The following MEGF11 variants were observed in gnomAD, a reference collection of about 807,000 sequenced individuals.
MEGF11 encodes multiple epidermal growth factor-like domains protein 11.
Under a neutral mutation model 146.6 loss-of-function variants are expected in MEGF11, and 126 were observed. The observed-to-expected ratio is 0.86, with a 90% CI of 0.74 to 1.00. MEGF11 has a LOEUF of 1.00. MEGF11 is among the 50% of genes least tolerant of loss of function. The probability of loss-of-function intolerance (pLI) is 0.00; values close to 1 mark genes in which losing one functional copy is unlikely to be tolerated. For missense variants in MEGF11, 1,509 were observed against 1,521.2 expected, an observed-to-expected ratio of 0.99 and a Z score of 0.13; for synonymous variants, 532 against 583.4, an observed-to-expected ratio of 0.91 and a Z score of 1.27.
intron 20 of MEGF11, 63 bp downstream of exon 20, chr15:65,913,674 A>G (rs2078889860): frequency 7.0e-7 from 1 of 1,434,558 alleles, no homozygotes; most frequent in Non-Finnish European, 9.6e-7. Context: ...TACAGGCACA[A>G]CCATTCCTGG....
chr15:66,195,654 TGAGAC>T (rs1567279883), intron 1 of MEGF11, among the ~76,000 whole-genome samples: 1 of 152,190 alleles, frequency 6.6e-6, no homozygotes, highest in African/African-American at 2.4e-5. Context: ...ATCCGGGAAA[TGAGAC>T]GGGGAAGCAT....
intron 12 of MEGF11, among the ~76,000 whole-genome samples, chr15:65,928,887 G>A (rs1368739345): frequency 6.6e-6 from 1 of 152,230 alleles, no homozygotes; most frequent in Non-Finnish European, 1.5e-5. Context: ...AGTGCACTTT[G>A]CAGATTGTAA....
intron 5 of MEGF11, among the ~76,000 whole-genome samples, chr15:66,069,979 T>G (rs2085296988): frequency 6.6e-6 from 1 of 152,206 alleles, no homozygotes; most frequent in Admixed American, 6.5e-5. Context: ...GGACCATAGC[T>G]TGCTGACCAC....
Position 65,916,144 on chromosome 15 carries a change from T to C in MEGF11, c.2344+4A>G, listed in dbSNP as rs1211742069. On this transcript the variant is annotated splice_donor_region_variant and intron_variant, in intron 18 of 25. Transcript: ENST00000395614. The stretch of plus-strand genomic sequence containing the variant: ...ACCCAGGATCAGGGGTCAGGGCAGC[T>C]TACTCTGCTCACAGTGTTGCCCGGT... 1 of 1,586,816 alleles carries C rather than the reference T, an allele frequency of 6.3e-7. No homozygotes were observed. Among genetic ancestry groups the C allele is most frequent in the Admixed American group, 1.8e-5 (1 of 56,810 alleles).
At chr15:66,141,275 T>A (rs1355763209) in intron 1 of MEGF11, among the ~76,000 whole-genome samples, 16 of 130,360 alleles carry the variant, frequency 1.2e-4, no homozygotes, top group African/African-American at 4.2e-4. Context: ...TGTGTGTGTG[T>A]GTGTGTGTGT....
At chr15:66,186,679 C>T (rs537131937) in intron 1 of MEGF11, among the ~76,000 whole-genome samples, 1 of 152,358 alleles carries the variant, frequency 6.6e-6, no homozygotes, top group East Asian at 1.9e-4. Context: ...AGCCTCCACC[C>T]ACTCACCCCA....
chr15:65,964,809 A>G lies in MEGF11; in HGVS notation c.1112+99T>C, dbSNP rs113699790. ...CTAGCCCTTTCCCCCACCTGCCTGGATGTCCATGCTAGAGGTGGGGGGCCA... is the reference window on the plus strand; with the variant it reads ...CTAGCCCTTTCCCCCACCTGCCTGGGTGTCCATGCTAGAGGTGGGGGGCCA... On this transcript the variant is annotated intron_variant, in intron 9 of 25. Transcript: ENST00000395614. 61 of 1,142,142 alleles carry G rather than the reference A, an allele frequency of 5.3e-5. 2 individuals carry two copies. The African/African-American group carries it at 6.5e-4, about 12-fold the overall frequency. 70.8% of individuals were successfully genotyped at this position (1,142,142 alleles called of 1,614,324 possible).
intron 3 of MEGF11, among the ~76,000 whole-genome samples, chr15:66,119,689 C>G (rs1329272424): frequency 1.3e-5 from 2 of 152,066 alleles, no homozygotes; most frequent in Non-Finnish European, 2.9e-5. Context: ...GAGTCCAACT[C>G]AGTCCCGGAG....
intron 5 of MEGF11, among the ~76,000 whole-genome samples, chr15:66,071,551 C>T (rs1292895716): frequency 6.6e-6 from 1 of 152,186 alleles, no homozygotes; most frequent in African/African-American, 2.4e-5. Context: ...GCAGACCGGC[C>T]TGTGTGGCGT....
intron 1 of MEGF11, among the ~76,000 whole-genome samples, chr15:66,150,829 A>T (rs1398013066): frequency 3.2e-3 from 101 of 31,536 alleles, no homozygotes; most frequent in African/African-American, 9.9e-3. Context: ...CTGTCGAGAG[A>T]GAGAGAGAGA....
intron 1 of MEGF11, among the ~76,000 whole-genome samples, chr15:66,176,542 G>T (rs769698942): frequency 3.4e-4 from 52 of 152,302 alleles, no homozygotes; most frequent in South Asian, 1.0e-3. Context: ...AGTCACACCA[G>T]TGACTCAGCC....
intron 5 of MEGF11, among the ~76,000 whole-genome samples, chr15:66,033,618 G>A (rs1020254343): frequency 6.6e-6 from 1 of 152,218 alleles, no homozygotes; most frequent in African/African-American, 2.4e-5. Context: ...TGGGTACCCA[G>A]GCATAGGCTG....
chr15:65,904,161 C>A (rs1382848292), intron 24 of MEGF11, among the ~76,000 whole-genome samples: 1 of 152,158 alleles, frequency 6.6e-6, no homozygotes, highest in East Asian at 1.9e-4. Flanking sequence ...GTTGTGTGTT[C>A]AGTTATTGGG....
chr15:66,224,589 T>A (rs1028114204), intron 1 of MEGF11, among the ~76,000 whole-genome samples: 9 of 146,862 alleles, frequency 6.1e-5, no homozygotes, highest in South Asian at 4.2e-4. Context: ...GTCTCAAAAA[T>A]ATATATATAT....
At chr15:66,111,939 C>T (rs541718959) in intron 4 of MEGF11, among the ~76,000 whole-genome samples, 36 of 152,148 alleles carry the variant, frequency 2.4e-4, no homozygotes, top group Middle Eastern at 3.4e-3. Flanking sequence ...CATAAAATCC[C>T]AAATCAGGCT....
At position 66,019,767 on chromosome 15, in the gene MEGF11, G is replaced by A. The variant is rs187906388; in HGVS notation, c.395-37279C>T. 1.3e-3 allele frequency among the ~76,000 whole-genome samples: 192 copies of A among 152,312 alleles called. 2 individuals carry two copies. Among genetic ancestry groups the A allele is most frequent in the African/African-American group, 4.6e-3 (191 of 41,574 alleles). On this transcript the variant is annotated intron_variant, in intron 5 of 25. Transcript: ENST00000395614. ...TCCTCATCTTACGACATTCTTATGA[G>A]GATCAATAAAGACAATATGAAAAAC...
At chr15:66,253,574 G>T (rs2092407021) in intron 1 of MEGF11, 31 bp downstream of exon 1, 1 of 143,736 alleles carries the variant, frequency 7.0e-6, no homozygotes, top group Admixed American at 7.2e-5. Context: ...CCGAGACTCC[G>T]CGTCCTCGCG....
At chr15:66,204,579 ACT>A (rs2091253554) in intron 1 of MEGF11, among the ~76,000 whole-genome samples, 1 of 152,036 alleles carries the variant, frequency 6.6e-6, no homozygotes, top group Non-Finnish European at 1.5e-5. Flanking sequence ...GCCTGAACCT[ACT>A]CTCTCTGAGC....
chr15:65,917,849 A>G (rs1383132579), intron 16 of MEGF11, 117 bp downstream of exon 16: 3 of 1,214,366 alleles, frequency 2.5e-6, no homozygotes, highest in Non-Finnish European at 3.5e-6. Flanking sequence ...TCCTACATGC[A>G]GAAGGAGATT....
Sources: allele counts gnomAD v4.1 joint callset (sites outside exome capture counted in the v4.1 genomes callset), GRCh38; gene constraint gnomAD v4.1.1; transcripts MANE v1.5; gene names NCBI Gene and HGNC (gene_info 2026-07-23, HGNC 2026-07-21).